FUBP1: variants seen among roughly 807,000 people sequenced by gnomAD.
FUBP1 encodes the protein far upstream element binding protein 1.
In FUBP1, 16 loss-of-function variants were observed where a neutral mutation model predicts 94.9. The ratio of observed to expected loss-of-function variants is 0.17; its 90% CI spans 0.11 to 0.26. The LOEUF is 0.26. Among genes scored for constraint, FUBP1 ranks in the 10% least tolerant of loss-of-function variants. The pLI is 1.00. For synonymous variants in FUBP1, 279 were observed against 254.9 expected, an observed-to-expected ratio of 1.09 and a Z score of -0.90; for missense variants, 583 against 808.6, an observed-to-expected ratio of 0.72 and a Z score of 3.38.
intron 19 of FUBP1, 157 bp downstream of exon 19, chr1:77,948,997 CA>C (rs1435456345): frequency 4.3e-6 from 4 of 921,812 alleles, no homozygotes; most frequent in Non-Finnish European, 6.8e-6. Flanking sequence ...TTATAAAAAA[CA>C]AAAAAACCCA....
chr1:77,955,098 T>G lies in FUBP1; in HGVS notation c.1780+157A>C, dbSNP rs555457163. Among the ~76,000 whole-genome samples the G allele has an allele frequency of 5.9e-5, 9 of 152,264 alleles. No individual in the cohort carries two copies. In the South Asian group the frequency reaches 1.9e-3, roughly 32 times the overall value. Reference sequence around the variant, plus strand: ...GACAAATGCAATTAGAAAAAAAAATTTCCTTGCCATATAACCACAAATTTA... The same window carrying G: ...GACAAATGCAATTAGAAAAAAAAATGTCCTTGCCATATAACCACAAATTTA... On this transcript the variant is annotated intron_variant, in intron 18 of 19. Coordinates refer to ENST00000370768, the MANE Select transcript of FUBP1 (RefSeq NM_003902.5).
rs1651878475 is a variant in FUBP1, at chr1:77,945,111, C to T, written c.*3655G>A. Among the ~76,000 whole-genome samples, 1 of 151,890 alleles carries T rather than the reference C, an allele frequency of 6.6e-6. No homozygotes were observed. On this transcript the variant is annotated 3_prime_UTR_variant, in exon 20 of 20. Coordinates refer to ENST00000370768, the MANE Select transcript of FUBP1 (RefSeq NM_003902.5). ...AAGATCAGCGTCATTTAAAATAATG[C>T]TTATAGTATCAGTGAAGGCTTATGG... is the stretch of plus-strand genomic sequence containing the variant.
At chr1:77,955,397 T>C (rs1654259512) in intron 17 of FUBP1, 68 bp from the exon 18 acceptor site, 2 of 879,540 alleles carry the variant, frequency 2.3e-6, no homozygotes, top group African/African-American at 1.7e-5. Context: ...GCCGTTTCCT[T>C]GGGTGCAGGA....
At chr1:77,971,988 G>C (rs182341821) in intron 1 of FUBP1, among the ~76,000 whole-genome samples, 1 of 144,918 alleles carries the variant, frequency 6.9e-6, no homozygotes, top group Non-Finnish European at 1.5e-5. Flanking sequence ...CTGGGCAACG[G>C]CATGAGACTC....
chr1:77,968,907 C>T, intron 2 of FUBP1: 1 of 381,766 alleles, frequency 2.6e-6, no homozygotes, highest in Non-Finnish European at 5.4e-6. Context: ...TGTTGTGCAG[C>T]AAAAATAAAA....
chr1:77,966,792 T>G (rs766176269), intron 6 of FUBP1, 41 bp from the exon 7 acceptor site: 1 of 1,367,846 alleles, frequency 7.3e-7, no homozygotes. Context: ...GTCAAAAGAT[T>G]AAAAGTAGCA....
At chr1:77,970,382 C>T (rs1331720428) in intron 1 of FUBP1, among the ~76,000 whole-genome samples, 2 of 152,098 alleles carry the variant, frequency 1.3e-5, no homozygotes, top group African/African-American at 4.8e-5. Flanking sequence ...GACTCAAAGG[C>T]TATGCTATCT....
chr1:77,975,858 A>G (rs560892855), intron 1 of FUBP1, among the ~76,000 whole-genome samples: 2 of 152,194 alleles, frequency 1.3e-5, no homozygotes, highest in Admixed American at 6.5e-5. Context: ...AAAATCTAAA[A>G]ATTTCACATA....
intron 1 of FUBP1, 82 bp downstream of exon 1, chr1:77,978,803 A>G (rs1659268894): frequency 3.9e-6 from 6 of 1,532,744 alleles, no homozygotes; most frequent in African/African-American, 1.4e-5. Context: ...CCTCTTCCTC[A>G]TGCGCTTAAG....
At chr1:77,968,343 T>C (rs2102438262) in intron 2 of FUBP1, 140 bp from the exon 3 acceptor site, 1 of 606,348 alleles carries the variant, frequency 1.6e-6, no homozygotes, top group Non-Finnish European at 2.9e-6. Context: ...ACTGCCAAAA[T>C]TCAACCCCAA....
Position 77,946,508 on chromosome 1 carries a change from T to C in FUBP1, c.*2258A>G, listed in dbSNP as rs1274606714. On this transcript the variant is annotated 3_prime_UTR_variant, in exon 20 of 20. Coordinates refer to ENST00000370768, the MANE Select transcript of FUBP1 (RefSeq NM_003902.5). ...TAATGTATTGAAATATTTATTTATATATGTCCTTAGGTTGTGCTTACCTGG... is the reference window on the plus strand; with the variant it reads ...TAATGTATTGAAATATTTATTTATACATGTCCTTAGGTTGTGCTTACCTGG... 3 of 200,590 alleles carry C rather than the reference T, an allele frequency of 1.5e-5. No individual in the cohort carries two copies. The highest frequency in any genetic ancestry group is 3.1e-5 in the Non-Finnish European group (3 of 97,050). 12.4% of individuals were successfully genotyped at this position (200,590 alleles called of 1,614,324 possible).
chr1:77,947,829 T>C lies in FUBP1; in HGVS notation c.*937A>G. The C allele has an allele frequency of 8.9e-7, 1 of 1,119,822 alleles. No homozygotes were observed. Among genetic ancestry groups the C allele is most frequent in the Middle Eastern group, 3.8e-4 (1 of 2,650 alleles). The allele number at this position is 1,119,822 out of a possible 1,614,324, so 69.4% of individuals were successfully genotyped here. A position where few individuals can be genotyped will look rare whatever the true frequency, so the allele number is the denominator to read the frequency against. On this transcript the variant is annotated 3_prime_UTR_variant, in exon 20 of 20. Transcript: ENST00000370768. Reference sequence around the variant, plus strand: ...TTTCCATACCCCATTTATGTTTCAATGGCAGATGCAATGTAGCTATACTTT... The same window carrying C: ...TTTCCATACCCCATTTATGTTTCAACGGCAGATGCAATGTAGCTATACTTT...
chr1:77,951,390 T>A (rs2102257612), intron 18 of FUBP1, among the ~76,000 whole-genome samples: 1 of 152,346 alleles, frequency 6.6e-6, no homozygotes, highest in African/African-American at 2.4e-5. Flanking sequence ...GACACTCCAA[T>A]CTTAAAAGAT....
rs1655216343 is a variant in FUBP1, at chr1:77,960,327, C to G, written c.1496+17G>C. On this transcript the variant is annotated intron_variant, in intron 15 of 19. Coordinates refer to ENST00000370768, the MANE Select transcript of FUBP1 (RefSeq NM_003902.5). ...TAGAATCTTTGGGGAAAGCCCAGAA[C>G]TAAACCCAATACTTACTGAGGAGCC... 1 of 1,612,796 alleles carries G rather than the reference C, an allele frequency of 6.2e-7. No individual in the cohort carries two copies. The highest frequency in any genetic ancestry group is 8.5e-7 in the Non-Finnish European group (1 of 1,179,792).
At chr1:77,948,832 G>A in intron 19 of FUBP1, 58 bp from the exon 20 acceptor site, 1 of 1,604,532 alleles carries the variant, frequency 6.2e-7, no homozygotes, top group Non-Finnish European at 8.5e-7. Flanking sequence ...CCTTGAAATG[G>A]AGCTAATTCA....
intron 18 of FUBP1, among the ~76,000 whole-genome samples, chr1:77,950,737 A>T (rs564247126): frequency 2.4e-4 from 36 of 152,306 alleles, no homozygotes; most frequent in African/African-American, 8.7e-4. Flanking sequence ...CATAGACAAA[A>T]ATACTGGAGC....
chr1:77,956,740 G>A (rs115559551), intron 16 of FUBP1, 40 bp from the exon 17 acceptor site: 1 of 1,563,962 alleles, frequency 6.4e-7, no homozygotes, highest in South Asian at 1.1e-5. Flanking sequence ...TGTGAAGTCT[G>A]TAATTCTCTC....
In FUBP1 at chr1:77,945,701, A is replaced by C; in HGVS notation, c.*3065T>G. The C allele has an allele frequency of 4.7e-6, 1 of 212,258 alleles. No homozygotes were observed. Among genetic ancestry groups the C allele is most frequent in the East Asian group, 7.1e-5 (1 of 14,154 alleles). 13.1% of individuals were successfully genotyped at this position (212,258 alleles called of 1,614,324 possible). A position where few individuals can be genotyped will look rare whatever the true frequency, so the allele number is the denominator to read the frequency against. On this transcript the variant is annotated 3_prime_UTR_variant, in exon 20 of 20. Transcript: ENST00000370768. Reference sequence around the variant, plus strand: ...ATTTTTCTTTGTTGCAGAGATAAGCAGGAGTTTTAAAAGGATCAGCACATT... The same window carrying C: ...ATTTTTCTTTGTTGCAGAGATAAGCCGGAGTTTTAAAAGGATCAGCACATT...
chr1:77,953,090 C>A (rs981165627), intron 18 of FUBP1, among the ~76,000 whole-genome samples: 1 of 151,122 alleles, frequency 6.6e-6, no homozygotes, highest in East Asian at 2.0e-4. Flanking sequence ...GAGACGAAAT[C>A]GCACCATTGC....
Sources: allele counts gnomAD v4.1 joint callset (sites outside exome capture counted in the v4.1 genomes callset), GRCh38; gene constraint gnomAD v4.1.1; transcripts MANE v1.5; gene names NCBI Gene and HGNC (gene_info 2026-07-23, HGNC 2026-07-21).